MTERF4: variants seen among roughly 807,000 people sequenced by gnomAD.
MTERF4 encodes transcription termination factor 4, mitochondrial.
Under a neutral mutation model 22.5 loss-of-function variants are expected in MTERF4, and 17 were observed. The observed-to-expected ratio is 0.75, with a 90% CI of 0.52 to 1.13. The LOEUF is 1.13. MTERF4 is among the 50% of genes most tolerant of loss of function. The probability of loss-of-function intolerance (pLI) is 0.00; values close to 1 mark genes in which losing one functional copy is unlikely to be tolerated. For synonymous variants in MTERF4, 165 were observed against 175.3 expected, an observed-to-expected ratio of 0.94 and a Z score of 0.47; for missense variants, 420 against 466.8, an observed-to-expected ratio of 0.90 and a Z score of 0.92.
chr2:241,045,613 T>C, the MTERF4 span, among the ~76,000 whole-genome samples: 1 of 151,236 alleles, frequency 6.6e-6, no homozygotes, highest in South Asian at 2.1e-4. Flanking sequence ...AAAAAAAACC[T>C]CAACTTCAAC....
Position 241,102,250 on chromosome 2 carries a change from T to G in MTERF4, c.21+3A>C. On this transcript the variant is annotated splice_donor_region_variant and intron_variant, in intron 1 of 3. Transcript: ENST00000391980. ...GAAGCCCGCGCGCCCAGCTCGAGCT[T>G]ACCTGACGGCCGAACGCAGCCATAG... The G allele has an allele frequency of 6.5e-7, 1 of 1,549,372 alleles. No homozygotes were observed. Among genetic ancestry groups the G allele is most frequent in the Non-Finnish European group, 8.7e-7 (1 of 1,146,120 alleles).
At chr2:241,069,749 T>C (rs1278997488), downstream of MTERF4, among the ~76,000 whole-genome samples, 1 of 151,884 alleles carries the variant, frequency 6.6e-6, no homozygotes, top group Non-Finnish European at 1.5e-5. This position sits in a 1 kb window ranked among gnomAD's most constrained non-coding sequence, Gnocchi z 4.9. Flanking sequence ...GGTTGGAAGA[T>C]TGTGCTGTAC....
chr2:241,071,785 CCT>C (rs1362335116), downstream of MTERF4: 3 of 1,586,624 alleles, frequency 1.9e-6, no homozygotes, highest in Admixed American at 5.1e-5. Context: ...ACCCTCCCAC[CCT>C]CTCTGCAGGT....
At chr2:241,067,722 C>T (rs1489964757), downstream of MTERF4, 10 of 1,547,178 alleles carry the variant, frequency 6.5e-6, no homozygotes, top group Non-Finnish European at 8.8e-6. Flanking sequence ...CCCCCAGGAG[C>T]AAGGAGGGGC....
the MTERF4 span, among the ~76,000 whole-genome samples, chr2:241,050,975 T>C: frequency 4.6e-4 from 70 of 152,264 alleles, no homozygotes; most frequent in East Asian, 0.013. Flanking sequence ...AGGCCACCAA[T>C]GTGGACACCT....
At chr2:241,090,173 T>C, downstream of MTERF4, 2 of 1,462,442 alleles carry the variant, frequency 1.4e-6, no homozygotes, top group Non-Finnish European at 1.8e-6. Flanking sequence ...AAAATTGTTT[T>C]CTGTCCTTAG....
downstream of MTERF4, chr2:241,071,717 C>A (rs770503984): frequency 4.0e-6 from 6 of 1,505,872 alleles, no homozygotes; most frequent in South Asian, 7.2e-5. Flanking sequence ...ACCCAGCCCC[C>A]CAGGTACATG....
At chr2:241,064,014 G>A in the MTERF4 span, 12 of 1,552,278 alleles carry the variant, frequency 7.7e-6, no homozygotes, top group Non-Finnish European at 9.6e-6. This position sits in a 1 kb window ranked among gnomAD's most constrained non-coding sequence, Gnocchi z 7.0. Flanking sequence ...TTCTCCAGAG[G>A]TGGACGCCTG....
chr2:241,089,296 G>A, downstream of MTERF4: 2 of 1,549,378 alleles, frequency 1.3e-6, no homozygotes, highest in Non-Finnish European at 1.7e-6. Flanking sequence ...CATCTTCCTG[G>A]TGGCGCAGAT....
downstream of MTERF4, chr2:241,070,097 G>A (rs368117519): frequency 2.5e-5 from 41 of 1,612,884 alleles, no homozygotes; most frequent in African/African-American, 2.0e-4. Flanking sequence ...TACACGGTGC[G>A]CGACCTGCTG....
At chr2:241,082,403 G>A (rs774709391), downstream of MTERF4, 65 of 1,521,866 alleles carry the variant, frequency 4.3e-5, no homozygotes, top group Middle Eastern at 1.7e-4. Flanking sequence ...CGCATTTGTC[G>A]TGTGTTCTTG....
chr2:241,075,791 T>C lies in MTERF4; in HGVS notation n.480-109A>G, dbSNP rs1334551225. ...CACACCAAAGTTAGAAAGTTATTCA[T>C]GTATATTTTTTTCACAAAGATGTAA... On this transcript the variant is annotated intron_variant and non_coding_transcript_variant, in intron 4 of 4. Coordinates refer to the MTERF4 transcript ENST00000464344. This position sits in a 1 kb window ranked among gnomAD's most constrained non-coding sequence, Gnocchi z 4.8. The C allele has an allele frequency of 1.3e-5, 2 of 152,214 alleles. No individual in the cohort carries two copies. The highest frequency in any genetic ancestry group is 2.9e-5 in the Non-Finnish European group (2 of 68,048). The allele number at this position is 152,214 out of a possible 1,614,324, so 9.4% of individuals were successfully genotyped here.
At chr2:241,097,507 G>C (rs2064508824) in intron 2 of MTERF4, 80 bp from the exon 3 acceptor site, 1 of 1,370,978 alleles carries the variant, frequency 7.3e-7, no homozygotes, top group Non-Finnish European at 1.0e-6. Flanking sequence ...CCCAATTTAA[G>C]TCCACATTTA....
the MTERF4 span, among the ~76,000 whole-genome samples, chr2:241,054,171 C>T: frequency 1.6e-4 from 24 of 152,078 alleles, no homozygotes; most frequent in African/African-American, 5.1e-4. Flanking sequence ...TGGAGATGAC[C>T]CCCCCTCCCA....
chr2:241,050,971 C>T, the MTERF4 span, among the ~76,000 whole-genome samples: 2,294 of 152,328 alleles, frequency 0.015, 52 homozygotes, highest in African/African-American at 0.053. Context: ...ACACAGGCCA[C>T]CAATGTGGAC....
the MTERF4 span, among the ~76,000 whole-genome samples, chr2:241,067,145 C>T: frequency 3.9e-5 from 6 of 152,188 alleles, no homozygotes; most frequent in Non-Finnish European, 8.8e-5. Context: ...AGAGTTGGGG[C>T]TCCAGCCAGC....
chr2:241,053,267 C>A, the MTERF4 span: 1 of 1,603,558 alleles, frequency 6.2e-7, no homozygotes. Flanking sequence ...CTGAGCGCCC[C>A]CAGCCGCATC....
the MTERF4 span, chr2:241,052,081 C>A: frequency 6.2e-7 from 1 of 1,613,884 alleles, no homozygotes. Context: ...GTCACAACGG[C>A]GGCACCTGCT....
At chr2:241,088,136 A>T, downstream of MTERF4, 1 of 538,290 alleles carries the variant, frequency 1.9e-6, no homozygotes, top group Non-Finnish European at 3.3e-6. Flanking sequence ...ACTCACAGCC[A>T]GCCAGGTTTC....
Sources: gnomAD v4.1 joint callset for allele counts (sites outside exome capture counted in the v4.1 genomes callset) on GRCh38, gnomAD v4.1.1 for gene constraint, Gnocchi (gnomAD v3.1) non-coding constraint, MANE v1.5 for transcripts, NCBI Gene and HGNC (gene_info 2026-07-23, HGNC 2026-07-21) for gene names.